SEMA4G: variants seen among roughly 807,000 people sequenced by gnomAD.
SEMA4G encodes the protein semaphorin-4G.
Under a neutral mutation model 81.2 loss-of-function variants are expected in SEMA4G, and 59 were observed. That is an observed-to-expected ratio of 0.73 (90% CI 0.59 to 0.90). SEMA4G has a LOEUF of 0.90. Ranked by LOEUF, SEMA4G falls within the 40% of genes least tolerant of loss-of-function variation. The pLI is 0.00. For synonymous variants in SEMA4G, 404 were observed against 433.9 expected, an observed-to-expected ratio of 0.93 and a Z score of 0.86; for missense variants, 952 against 1,102.3, an observed-to-expected ratio of 0.86 and a Z score of 1.93.
chr10:100,984,321 CAT>C, exon 14 of SEMA4G: 1 of 1,440,364 alleles, frequency 6.9e-7, no homozygotes, highest in Non-Finnish European at 9.1e-7. Context: ...CACAGACCCA[CAT>C]GTGAGCAGCC....
rs1405002213 is a variant in SEMA4G, at chr10:100,980,110, C to A, written c.1129-12C>A. 6.2e-7 allele frequency: 1 copy of A among 1,613,792 alleles called. No individual in the cohort carries two copies. Among genetic ancestry groups the A allele is most frequent in the Admixed American group, 1.7e-5 (1 of 60,010 alleles). On this transcript the variant is annotated splice_polypyrimidine_tract_variant and intron_variant, in intron 9 of 13. Coordinates refer to ENST00000370250, the Ensembl canonical transcript of SEMA4G. ...GAGTCCCGAGGTTCACCACCTTCGT[C>A]CCCCACGCCAGTGTATCACAGATTC...
exon 14 of SEMA4G, chr10:100,983,610 G>A: frequency 6.2e-7 from 1 of 1,614,058 alleles, no homozygotes; most frequent in Non-Finnish European, 8.5e-7. Flanking sequence ...TGCCACACCT[G>A]GGGCACAGCT....
Position 100,979,242 on chromosome 10 carries a change from C to CT in SEMA4G, c.955dup (p.Tyr319LeufsTer22), listed in dbSNP as rs1426443730. On this transcript the variant is annotated frameshift_variant, in exon 8 of 14. Transcript: ENST00000370250. LOFTEE classifies it high-confidence loss of function. Reference sequence around the variant, plus strand: ...CTGAAACCTCAAGCCGTACACACTTCTATGCAGCCTTCACGCTGAGCACAC... The same window carrying CT: ...CTGAAACCTCAAGCCGTACACACTTCTTATGCAGCCTTCACGCTGAGCACAC... The CT allele has an allele frequency of 1.9e-6, 3 of 1,614,206 alleles. No homozygotes were observed. The highest frequency in any genetic ancestry group is 2.5e-6 in the Non-Finnish European group (3 of 1,180,034).
intron 3 of SEMA4G, among the ~76,000 whole-genome samples, chr10:100,975,897 C>A (rs2133864196): frequency 6.6e-6 from 1 of 151,214 alleles, no homozygotes; most frequent in Admixed American, 6.6e-5. Context: ...GACTCCGTCT[C>A]AAAAAAAATA....
chr10:100,978,716 A>C lies in SEMA4G; in HGVS notation c.643+76A>C. ...TTTTTACTCCCTTGGCCAGCTGACC[A>C]CCCCACCCCCAAATCCCCAGGTGAG... On this transcript the variant is annotated intron_variant, in intron 6 of 13. Transcript: ENST00000370250. 3 of 1,552,340 alleles carry C rather than the reference A, an allele frequency of 1.9e-6. No individual in the cohort carries two copies. In the South Asian group the frequency reaches 3.4e-5, roughly 18 times the overall value.
intron 4 of SEMA4G, 124 bp from the exon 6 acceptor site, chr10:100,978,171 T>C (rs561764183): frequency 4.6e-6 from 3 of 646,616 alleles, no homozygotes; most frequent in African/African-American, 3.6e-5. Flanking sequence ...TGCTGTCAGG[T>C]GCATCTGCCA....
In SEMA4G at chr10:100,973,216, G is replaced by A. The variant is rs376810147; in HGVS notation, c.212G>A (p.Gly71Glu). ...GAGGCCTCAGCAAGGCTGCTGGTGG[G>A]AGCCCGAGGTGCCCTGTTCTCTCTC... is the stretch of plus-strand genomic sequence containing the variant. Residue 71 changes from glycine (G) to glutamate (E), a missense_variant, in exon 2 of 14, where the codon GGA becomes GAA. Transcript: ENST00000370250. This position sits in a 1 kb window ranked among gnomAD's most constrained non-coding sequence, Gnocchi z 5.5. 71 of 1,613,456 alleles carry A rather than the reference G, an allele frequency of 4.4e-5. No individual in the cohort carries two copies. Among genetic ancestry groups the A allele is most frequent in the Non-Finnish European group, 5.3e-5 (63 of 1,180,018 alleles).
exon 1 of SEMA4G, chr10:100,972,728 C>A: frequency 3.6e-6 from 2 of 554,738 alleles, no homozygotes; most frequent in Non-Finnish European, 6.3e-6. Context: ...GACTCCATGT[C>A]CCCCCGATTC....
exon 14 of SEMA4G, chr10:100,984,706 G>C: frequency 1.3e-6 from 2 of 1,536,076 alleles, no homozygotes; most frequent in Non-Finnish European, 1.7e-6. Flanking sequence ...TCTGGACTTG[G>C]GGTACCCTCC....
chr10:100,980,939 C>A (rs1382570602), exon 12 of SEMA4G: 1 of 1,610,292 alleles, frequency 6.2e-7, no homozygotes, highest in African/African-American at 1.3e-5. Context: ...TGGCTGGGAC[C>A]CTGGCACCCA....
intron 3 of SEMA4G, among the ~76,000 whole-genome samples, chr10:100,975,720 G>A (rs770602813): frequency 1.3e-5 from 2 of 152,068 alleles, no homozygotes; most frequent in African/African-American, 2.4e-5. Flanking sequence ...GCCCGGCATG[G>A]TGATGCACAT....
chr10:100,980,892 C>A, exon 12 of SEMA4G: 1 of 1,611,522 alleles, frequency 6.2e-7, no homozygotes, highest in Non-Finnish European at 8.5e-7. Flanking sequence ...CGCTACCGAT[C>A]CTGCTATGAC....
chr10:100,981,614 T>C, intron 13 of SEMA4G: 1 of 1,543,210 alleles, frequency 6.5e-7, no homozygotes, highest in Non-Finnish European at 8.9e-7. Context: ...CAGACACTGA[T>C]CTAAATACTT....
In SEMA4G at chr10:100,973,510, G is replaced by C; in HGVS notation, c.274-37G>C. 2 of 1,600,488 alleles carry C rather than the reference G, an allele frequency of 1.2e-6. No individual in the cohort carries two copies. Among genetic ancestry groups the C allele is most frequent in the African/African-American group, 2.7e-5 (2 of 74,706 alleles). ...TGGTCCTATGAGTAATAGGTATTGGGGTCAGTGCATCAGCCTATTCCCTTT... is the reference window on the plus strand; with the variant it reads ...TGGTCCTATGAGTAATAGGTATTGGCGTCAGTGCATCAGCCTATTCCCTTT... On this transcript the variant is annotated intron_variant, in intron 2 of 13. Transcript: ENST00000370250. The surrounding 1 kb of genome is among the most constrained non-coding windows in gnomAD (Gnocchi z 5.5).
exon 14 of SEMA4G, chr10:100,984,384 C>T: frequency 6.9e-7 from 1 of 1,449,310 alleles, no homozygotes; most frequent in Non-Finnish European, 9.0e-7. Flanking sequence ...GATCAGGTGC[C>T]CTGCAGACCC....
chr10:100,973,757 G>T lies in SEMA4G; in HGVS notation c.336+148G>T. The stretch of plus-strand genomic sequence containing the variant: ...AAACATTGTAAGTATTGCCAGAGTG[G>T]CAAGCCATGGGCACAGCATTTTTTT... On this transcript the variant is annotated intron_variant, in intron 3 of 13. Transcript: ENST00000370250. The surrounding 1 kb of genome is among the most constrained non-coding windows in gnomAD (Gnocchi z 5.5). 2.8e-6 allele frequency: 2 copies of T among 720,842 alleles called. No homozygotes were observed. The highest frequency in any genetic ancestry group is 4.6e-6 in the Non-Finnish European group (2 of 436,536). 44.7% of individuals were successfully genotyped at this position (720,842 alleles called of 1,614,324 possible).
intron 3 of SEMA4G, among the ~76,000 whole-genome samples, chr10:100,975,554 C>T (rs547940678): frequency 6.6e-6 from 1 of 152,158 alleles, no homozygotes; most frequent in South Asian, 2.1e-4. Context: ...CTCCCTACCC[C>T]CCTTTAAAAA....
intron 8 of SEMA4G, 89 bp from the exon 10 acceptor site, chr10:100,979,759 G>A: frequency 6.6e-7 from 1 of 1,514,056 alleles, no homozygotes; most frequent in Non-Finnish European, 9.0e-7. Context: ...GGGTTGGCCA[G>A]GGTAACAGTG....
Position 100,981,076 on chromosome 10 carries a change from G to A in SEMA4G, c.1629-92G>A. On this transcript the variant is annotated intron_variant, in intron 12 of 13. Transcript: ENST00000370250. Reference sequence around the variant, plus strand: ...CCTGATAGCTACTGGGGGAGTGCAGGGGCTAGTTATTAGTAACAGACCTAT... The same window carrying A: ...CCTGATAGCTACTGGGGGAGTGCAGAGGCTAGTTATTAGTAACAGACCTAT... 2.5e-6 allele frequency: 4 copies of A among 1,601,284 alleles called. No homozygotes were observed. In the South Asian group the frequency reaches 4.4e-5, roughly 18 times the overall value.
Sources: gnomAD v4.1 joint callset for allele counts (sites outside exome capture counted in the v4.1 genomes callset) on GRCh38, gnomAD v4.1.1 for gene constraint, Gnocchi (gnomAD v3.1) non-coding constraint, MANE v1.5 for transcripts, NCBI Gene and HGNC (gene_info 2026-07-23, HGNC 2026-07-21) for gene names.